NCALD: variants seen among roughly 807,000 people sequenced by gnomAD.
The protein encoded by NCALD is neurocalcin delta.
Under a neutral mutation model 18.6 loss-of-function variants are expected in NCALD, and 10 were observed. The ratio of observed to expected loss-of-function variants is 0.54; its 90% CI spans 0.33 to 0.91. NCALD has a LOEUF of 0.91. Among genes scored for constraint, NCALD ranks in the 40% least tolerant of loss-of-function variants. The pLI is 0.03. For missense variants in NCALD, 184 were observed against 247.6 expected (o/e 0.74, Z 1.72); for synonymous variants, 88 against 87.4 (o/e 1.01, Z -0.04).
At chr8:102,120,625 C>G (rs75696709) in intron 1 of NCALD, among the ~76,000 whole-genome samples, 7,618 of 152,256 alleles carry the variant, frequency 0.05, 215 homozygotes, top group South Asian at 0.083. Context: ...CAGGCCATAT[C>G]CGAAATGTCT....
chr8:102,113,083 A>G (rs1411142437), intron 1 of NCALD, among the ~76,000 whole-genome samples: 1 of 152,242 alleles, frequency 6.6e-6, no homozygotes, highest in Non-Finnish European at 1.5e-5. Flanking sequence ...AACAATGGAA[A>G]CAGAAAAAAA....
intron 1 of NCALD, among the ~76,000 whole-genome samples, chr8:101,782,183 T>C (rs1272086355): frequency 6.6e-6 from 1 of 151,530 alleles, no homozygotes; most frequent in Non-Finnish European, 1.5e-5. Context: ...AGGCTTGACT[T>C]GTTCATTTGG....
At chr8:101,902,237 T>C (rs1307356214) in intron 3 of NCALD, among the ~76,000 whole-genome samples, 4 of 151,826 alleles carry the variant, frequency 2.6e-5, no homozygotes, top group Admixed American at 1.3e-4. Context: ...TTCTTTCCTC[T>C]GTCCACTCCA....
At chr8:102,095,847 T>A (rs1259648969) in intron 1 of NCALD, among the ~76,000 whole-genome samples, 1 of 152,220 alleles carries the variant, frequency 6.6e-6, no homozygotes, top group Admixed American at 6.5e-5. Flanking sequence ...ACAATAGTTA[T>A]AACATCCTGT....
chr8:101,721,854 C>CTTTT (rs112131848), intron 1 of NCALD, among the ~76,000 whole-genome samples: 2 of 141,066 alleles, frequency 1.4e-5, no homozygotes, highest in African/African-American at 5.2e-5. Context: ...TTCCCCCTGC[C>CTTTT]TTTTTTTTTT....
chr8:101,785,228 T>C (rs1326797684), intron 1 of NCALD, among the ~76,000 whole-genome samples: 1 of 152,226 alleles, frequency 6.6e-6, no homozygotes. Context: ...TGTTAGCTAT[T>C]ATTATAATAC....
chr8:101,786,220 C>T (rs1295494196), intron 1 of NCALD, among the ~76,000 whole-genome samples: 1 of 152,154 alleles, frequency 6.6e-6, no homozygotes, highest in Admixed American at 6.5e-5. Flanking sequence ...TCAAAATTTG[C>T]TGAATGCATG....
chr8:101,785,589 T>C (rs1285768267), intron 1 of NCALD, among the ~76,000 whole-genome samples: 1 of 152,178 alleles, frequency 6.6e-6, no homozygotes, highest in Non-Finnish European at 1.5e-5. Context: ...TGTTGGATTA[T>C]GCCATTAAGA....
At chr8:101,779,623 C>A (rs973221749) in intron 1 of NCALD, among the ~76,000 whole-genome samples, 2 of 152,150 alleles carry the variant, frequency 1.3e-5, no homozygotes, top group African/African-American at 2.4e-5. Flanking sequence ...TTTACGACTT[C>A]ATGAACTATA....
intron 2 of NCALD, among the ~76,000 whole-genome samples, chr8:101,975,780 T>G (rs1470105644): frequency 6.6e-6 from 1 of 152,224 alleles, no homozygotes; most frequent in Non-Finnish European, 1.5e-5. Context: ...TTTCTGTTCC[T>G]CTGGTGGGCT....
intron 4 of NCALD, chr8:101,852,497 T>C (rs1253306180): frequency 1.3e-5 from 2 of 152,198 alleles, no homozygotes; most frequent in African/African-American, 4.8e-5. Context: ...TCCAGAACAA[T>C]GGAGGCCAGG....
At chr8:101,953,314 G>A (rs1330100521) in intron 2 of NCALD, among the ~76,000 whole-genome samples, 1 of 152,204 alleles carries the variant, frequency 6.6e-6, no homozygotes, top group African/African-American at 2.4e-5. Context: ...GAGGCACAAA[G>A]TTGCCACAGT....
chr8:102,003,768 T>G (rs9656849), intron 2 of NCALD, among the ~76,000 whole-genome samples: 2 of 152,040 alleles, frequency 1.3e-5, no homozygotes, highest in African/African-American at 2.4e-5. Context: ...ACAGAACCAA[T>G]GACAAAAACC....
chr8:101,757,528 G>T (rs1359042082), intron 1 of NCALD, among the ~76,000 whole-genome samples: 2 of 152,094 alleles, frequency 1.3e-5, no homozygotes, highest in Non-Finnish European at 2.9e-5. Flanking sequence ...GAAGAAAAAT[G>T]GCTGTCATTC....
At chr8:101,839,376 G>A (rs1021632259) in intron 4 of NCALD, among the ~76,000 whole-genome samples, 6 of 152,128 alleles carry the variant, frequency 3.9e-5, no homozygotes, top group Non-Finnish European at 5.9e-5. Context: ...GAGGTGGAAC[G>A]TAAGGCTCAA....
At chr8:102,037,277 A>T (rs1456302149) in intron 1 of NCALD, among the ~76,000 whole-genome samples, 1 of 152,244 alleles carries the variant, frequency 6.6e-6, no homozygotes, top group Non-Finnish European at 1.5e-5. Context: ...GGCATAGAAA[A>T]GTTAAGTAAC....
intron 1 of NCALD, among the ~76,000 whole-genome samples, chr8:101,748,691 T>C (rs368528917): frequency 2.6e-5 from 4 of 152,102 alleles, no homozygotes; most frequent in African/African-American, 9.7e-5. Context: ...ATTTTACAGA[T>C]GAAGGATGAG....
intron 2 of NCALD, among the ~76,000 whole-genome samples, chr8:101,961,903 A>G (rs1303620298): frequency 6.6e-6 from 1 of 152,210 alleles, no homozygotes; most frequent in Non-Finnish European, 1.5e-5. Context: ...AATATTTATC[A>G]AAACAGAATC....
chr8:101,849,777 T>C (rs564695415), intron 4 of NCALD, among the ~76,000 whole-genome samples: 2 of 152,300 alleles, frequency 1.3e-5, no homozygotes, highest in Non-Finnish European at 2.9e-5. Flanking sequence ...TAGCGCTAAC[T>C]TCTTTTATCT....
Sources: allele counts gnomAD v4.1 joint callset (sites outside exome capture counted in the v4.1 genomes callset), GRCh38; gene constraint gnomAD v4.1.1; transcripts MANE v1.5; gene names NCBI Gene and HGNC (gene_info 2026-07-23, HGNC 2026-07-21).